The following APOL3 variants were observed in gnomAD, a reference collection of about 807,000 sequenced individuals.
APOL3 encodes the protein apolipoprotein L3, also known as TNF-inducible protein CG12-1.
In APOL3, 14 loss-of-function variants were observed where a neutral mutation model predicts 11.6. The ratio of observed to expected loss-of-function variants is 1.21; its 90% confidence interval spans 0.80 to 1.89. The LOEUF is 1.89. Ranked by LOEUF, APOL3 falls within the 40% of genes most tolerant of loss-of-function variation. The pLI is 0.00. For synonymous variants in APOL3, 192 were observed against 190.6 expected (o/e 1.01, Z -0.06); for missense variants, 483 against 492.1 (o/e 0.98, Z 0.17).
At chr22:36,153,509 A>C (rs1389950357) in intron 1 of APOL3, 2 of 416,144 alleles carry the variant, frequency 4.8e-6, no homozygotes, top group Non-Finnish European at 9.9e-6. Flanking sequence ...ATCTTGAATC[A>C]GTATAATTTC....
chr22:36,160,589 A>G, intron 1 of APOL3, 80 bp downstream of exon 1: 1 of 1,467,422 alleles, frequency 6.8e-7, no homozygotes, highest in Non-Finnish European at 9.5e-7. Context: ...GAGCTCATCT[A>G]CAAAAGGTGA....
chr22:36,142,805 T>C (rs958524996), intron 2 of APOL3, among the ~76,000 whole-genome samples: 2 of 152,198 alleles, frequency 1.3e-5, no homozygotes, highest in African/African-American at 4.8e-5. Context: ...CAGGCTGCTC[T>C]GAGCCTTTTC....
chr22:36,141,213 CATGGATTCAGACGCTGAT>C (rs1235121425), exon 3 of APOL3: 14 of 1,613,088 alleles, frequency 8.7e-6, no homozygotes, highest in Non-Finnish European at 1.2e-5. Context: ...GTGGGTATGG[CATGGATTCAGACGCTGAT>C]AGATCTGAGT....
At chr22:36,162,969 G>C (rs2013771095), upstream of APOL3, among the ~76,000 whole-genome samples, 1 of 152,232 alleles carries the variant, frequency 6.6e-6, no homozygotes, top group East Asian at 1.9e-4. Context: ...GTTGCAATGA[G>C]TGTTGTATTT....
chr22:36,154,260 C>CCTTTAAAACCAAAA (rs1156402820), intron 1 of APOL3, among the ~76,000 whole-genome samples: 4 of 152,122 alleles, frequency 2.6e-5, no homozygotes, highest in African/African-American at 9.7e-5. Context: ...GAGGGGGAGG[C>CCTTTAAAACCAAAA]TTAGAATCTT....
chr22:36,155,366 C>T (rs7284379), intron 1 of APOL3, among the ~76,000 whole-genome samples: 8,981 of 152,230 alleles, frequency 0.059, 954 homozygotes, highest in African/African-American at 0.21. Context: ...GCGTTTTCAT[C>T]CTCAAGGTCA....
At chr22:36,150,524 A>G (rs1263389134) in intron 1 of APOL3, among the ~76,000 whole-genome samples, 1 of 152,250 alleles carries the variant, frequency 6.6e-6, no homozygotes, top group Non-Finnish European at 1.5e-5. Flanking sequence ...GTTCCCACCC[A>G]ACCAGACGGA....
chr22:36,151,865 A>G (rs1169642668), intron 1 of APOL3, among the ~76,000 whole-genome samples: 3 of 152,182 alleles, frequency 2.0e-5, no homozygotes, highest in Non-Finnish European at 2.9e-5. Flanking sequence ...ACTGGGGAGA[A>G]TCTCTTGAGC....
upstream of APOL3, among the ~76,000 whole-genome samples, chr22:36,163,471 C>T (rs1353917361): frequency 2.0e-5 from 3 of 152,190 alleles, no homozygotes; most frequent in Admixed American, 6.5e-5. Context: ...TTCTGAAGAT[C>T]GTTTTGCAAT....
rs745441068 is a variant in APOL3 at position 36,160,708 on chromosome 22, CTGTT to C, written c.180_183del (p.Thr61LeufsTer39). 6.2e-7 allele frequency: 1 copy of C among 1,613,954 alleles called. No individual in the cohort carries two copies. The highest frequency in any genetic ancestry group is 2.2e-5 in the East Asian group (1 of 44,890). ...TTGAAAGAGTGTGAGCAAGATCCAG[CTGTT>C]CTGAGCTGTGTGGATCCCACCTCCA... is the stretch of plus-strand genomic sequence containing the variant. On this transcript the variant is annotated frameshift_variant, in exon 1 of 3. The change abolishes the stop of an existing upstream ORF in the 5' untranslated region. Coordinates refer to ENST00000349314, the Ensembl canonical transcript of APOL3. LOFTEE classifies it high-confidence loss of function.
intron 2 of APOL3, among the ~76,000 whole-genome samples, chr22:36,142,917 ACTTGCTGTCTGAGCATT>A (rs1351436526): frequency 1.3e-5 from 2 of 152,112 alleles, no homozygotes; most frequent in Non-Finnish European, 2.9e-5. Context: ...GGTCCTCCCC[ACTTGCTGTCTGAGCATT>A]CTTGCTGTCT....
At chr22:36,140,347 T>C (rs936789698) in exon 3 of APOL3, 6 of 152,138 alleles carry the variant, frequency 3.9e-5, no homozygotes, top group African/African-American at 9.7e-5. Context: ...TAGGTGAGTT[T>C]ATTAGGACTT....
At chr22:36,150,815 G>A (rs2060405622) in intron 1 of APOL3, among the ~76,000 whole-genome samples, 1 of 152,174 alleles carries the variant, frequency 6.6e-6, no homozygotes, top group Non-Finnish European at 1.5e-5. Context: ...AACCCAGGAG[G>A]CAGAAGTTGC....
chr22:36,143,611 G>A (rs147561029), intron 2 of APOL3, among the ~76,000 whole-genome samples: 2,073 of 152,296 alleles, frequency 0.014, 21 homozygotes, highest in Admixed American at 0.022. Flanking sequence ...TCTTCTGACT[G>A]AAGGCCACTG....
intron 1 of APOL3, 133 bp from the exon 2 acceptor site, chr22:36,149,275 T>C: frequency 7.7e-7 from 1 of 1,305,714 alleles, no homozygotes; most frequent in Non-Finnish European, 1.0e-6. Flanking sequence ...CGGTGTTTTT[T>C]AATCTCCTGG....
rs2060108683 is a variant in APOL3 at position 36,144,350 on chromosome 22, TC to T, written c.350+1122del. On this transcript the variant is annotated intron_variant, in intron 2 of 2. Transcript: ENST00000349314. ...TCTGCCCCTGAAACGTCTCTCTGGG[TC>T]TTTGGATGGCATCATGCTACTTGGT... 2.6e-5 allele frequency among the ~76,000 whole-genome samples: 4 copies of T among 152,028 alleles called. No homozygotes were observed. In the South Asian group the frequency reaches 8.3e-4, roughly 32 times the overall value.
chr22:36,152,181 G>A (rs928267142), intron 1 of APOL3, among the ~76,000 whole-genome samples: 8 of 151,916 alleles, frequency 5.3e-5, no homozygotes, highest in Non-Finnish European at 7.4e-5. Flanking sequence ...AAGGGGACTC[G>A]ATAGAACATT....
At chr22:36,146,930 T>G (rs1047886620) in intron 1 of APOL3, among the ~76,000 whole-genome samples, 3 of 152,134 alleles carry the variant, frequency 2.0e-5, no homozygotes, top group Non-Finnish European at 4.4e-5. Context: ...ATGTATGCAC[T>G]GGGACATGAG....
chr22:36,161,248 G>C (rs1320224791), upstream of APOL3, among the ~76,000 whole-genome samples: 1 of 152,172 alleles, frequency 6.6e-6, no homozygotes, highest in East Asian at 1.9e-4. Flanking sequence ...ACCCAGGCTG[G>C]AGTGCGGTGG....
Sources: allele counts gnomAD v4.1 joint callset (sites outside exome capture counted in the v4.1 genomes callset), GRCh38; gene constraint gnomAD v4.1.1; transcripts MANE v1.5; gene names NCBI Gene and HGNC (gene_info 2026-07-23, HGNC 2026-07-21).